Variants in MAP4K5 observed in about 807,000 individuals in gnomAD.
The protein encoded by MAP4K5 is MAPK/ERK kinase kinase kinase 5.
MAP4K5 carries 82 observed loss-of-function variants against 135.6 expected under a neutral mutation model. The ratio of observed to expected loss-of-function variants is 0.60; its 90% CI spans 0.51 to 0.73. MAP4K5 has a LOEUF of 0.73. Ranked by LOEUF, MAP4K5 falls within the 30% of genes least tolerant of loss-of-function variation. MAP4K5 has a pLI of 0.00. For synonymous variants in MAP4K5, 347 were observed against 335.0 expected, an observed-to-expected ratio of 1.04 and a Z score of -0.39; for missense variants, 907 against 1,010.9, an observed-to-expected ratio of 0.90 and a Z score of 1.39.
intron 1 of MAP4K5, among the ~76,000 whole-genome samples, chr14:50,558,038 A>C (rs779523157): frequency 6.6e-6 from 1 of 152,228 alleles, no homozygotes; most frequent in Admixed American, 6.5e-5. Flanking sequence ...AATTTTTTTA[A>C]AAGCTTCCAT....
chr14:50,482,166 T>C (rs2037257602), intron 6 of MAP4K5, among the ~76,000 whole-genome samples, 195 bp downstream of exon 6: 1 of 152,238 alleles, frequency 6.6e-6, no homozygotes, highest in African/African-American at 2.4e-5. Context: ...ATTCATGTGA[T>C]TCATTCATGA....
intron 21 of MAP4K5, 47 bp downstream of exon 21, chr14:50,442,685 A>C (rs776450317): frequency 1.6e-6 from 2 of 1,232,456 alleles, no homozygotes; most frequent in South Asian, 2.7e-5. Flanking sequence ...GATCTTTCCC[A>C]TAATAAATAT....
intron 3 of MAP4K5, among the ~76,000 whole-genome samples, chr14:50,489,790 C>T (rs1008918925): frequency 4.6e-5 from 7 of 152,086 alleles, no homozygotes; most frequent in African/African-American, 1.7e-4. Context: ...CATGGAGACT[C>T]GGTCAGTTGT....
chr14:50,496,197 G>A (rs893842946), intron 3 of MAP4K5, among the ~76,000 whole-genome samples: 1 of 151,716 alleles, frequency 6.6e-6, no homozygotes, highest in Non-Finnish European at 1.5e-5. Flanking sequence ...GTCGTGGTGG[G>A]AGCCTGTAAT....
chr14:50,421,894 CTTTTT>C (rs11299785), intron 32 of MAP4K5, among the ~76,000 whole-genome samples: 2 of 139,572 alleles, frequency 1.4e-5, no homozygotes, highest in Non-Finnish European at 3.1e-5. Flanking sequence ...ATCCACAATT[CTTTTT>C]TTTTTTTTTT....
intron 13 of MAP4K5, 144 bp from the exon 14 acceptor site, chr14:50,456,738 C>A: frequency 1.7e-6 from 1 of 593,426 alleles, no homozygotes; most frequent in South Asian, 2.2e-5. Context: ...ATGAACGCTA[C>A]AATACTTCGG....
At chr14:50,520,420 G>C (rs903401755) in intron 2 of MAP4K5, among the ~76,000 whole-genome samples, 24 of 152,164 alleles carry the variant, frequency 1.6e-4, no homozygotes, top group African/African-American at 5.8e-4. Flanking sequence ...AGAATTGCTT[G>C]AACCCGGGAG....
chr14:50,505,170 G>T, intron 2 of MAP4K5: 1 of 214,082 alleles, frequency 4.7e-6, no homozygotes, highest in East Asian at 1.3e-4. Flanking sequence ...AATCTCATGG[G>T]TTTTATTTAT....
chr14:50,461,412 G>A (rs2036708447), intron 13 of MAP4K5, among the ~76,000 whole-genome samples: 1 of 150,638 alleles, frequency 6.6e-6, no homozygotes. Context: ...GAGATAAAAG[G>A]GAAATAAAAT....
intron 4 of MAP4K5, 183 bp from the exon 5 acceptor site, chr14:50,485,825 C>T: frequency 1.8e-6 from 1 of 557,226 alleles, no homozygotes; most frequent in Non-Finnish European, 3.1e-6. Context: ...TTCCCATCTT[C>T]AGTGGTTTAG....
chr14:50,485,466 A>G, intron 5 of MAP4K5, 112 bp downstream of exon 5: 1 of 687,280 alleles, frequency 1.5e-6, no homozygotes, highest in South Asian at 1.9e-5. Context: ...CCGGGAACAG[A>G]AGAATGCAAA....
intron 1 of MAP4K5, among the ~76,000 whole-genome samples, chr14:50,544,054 C>T (rs550347177): frequency 3.8e-4 from 58 of 152,248 alleles, no homozygotes; most frequent in South Asian, 8.3e-4. Context: ...GTTATTGCTC[C>T]GCAAAGGAAA....
intron 9 of MAP4K5, among the ~76,000 whole-genome samples, chr14:50,469,502 A>G (rs1010700900): frequency 5.9e-5 from 9 of 152,198 alleles, no homozygotes; most frequent in African/African-American, 1.9e-4. Context: ...GGACCCAATG[A>G]AAGATTTAAT....
intron 11 of MAP4K5, 145 bp downstream of exon 11, chr14:50,466,438 G>C (rs916618775): frequency 7.9e-6 from 3 of 379,864 alleles, no homozygotes; most frequent in African/African-American, 6.5e-5. Context: ...CCTTGCCATA[G>C]GTCTGCAAGC....
intron 1 of MAP4K5, among the ~76,000 whole-genome samples, chr14:50,548,445 A>G (rs563125073): frequency 1.3e-5 from 2 of 152,330 alleles, no homozygotes; most frequent in East Asian, 1.9e-4. Flanking sequence ...AGATGCCACA[A>G]GGATGACTTA....
intron 6 of MAP4K5, among the ~76,000 whole-genome samples, chr14:50,476,593 C>A (rs1029466102): frequency 6.6e-6 from 1 of 152,074 alleles, no homozygotes; most frequent in East Asian, 1.9e-4. Flanking sequence ...CCCAAGTAGC[C>A]GGGATTACAG....
intron 2 of MAP4K5, among the ~76,000 whole-genome samples, chr14:50,529,036 G>T (rs909018866): frequency 6.6e-6 from 1 of 152,070 alleles, no homozygotes; most frequent in Non-Finnish European, 1.5e-5. Context: ...TTTCCCCAGA[G>T]AACTCAAATA....
At chr14:50,529,389 A>AACAAACAG (rs1167171334) in intron 2 of MAP4K5, among the ~76,000 whole-genome samples, 2 of 152,136 alleles carry the variant, frequency 1.3e-5, no homozygotes, top group African/African-American at 4.8e-5. Context: ...CCTGTATCCA[A>AACAAACAG]ACAAACAGAC....
chr14:50,443,674 G>A, intron 20 of MAP4K5, 55 bp downstream of exon 20: 2 of 1,425,546 alleles, frequency 1.4e-6, no homozygotes, highest in Non-Finnish European at 1.9e-6. Flanking sequence ...CCAATATATT[G>A]CTGCTTCTAA....
Sources: gnomAD v4.1 joint callset for allele counts (sites outside exome capture counted in the v4.1 genomes callset) on GRCh38, gnomAD v4.1.1 for gene constraint, MANE v1.5 for transcripts, NCBI Gene and HGNC (gene_info 2026-07-23, HGNC 2026-07-21) for gene names.